GBE1: variants seen among roughly 807,000 people sequenced by gnomAD.
GBE1 encodes the protein 1,4-alpha-glucan branching enzyme 1.
Under a neutral mutation model 88.8 loss-of-function variants are expected in GBE1, and 70 were observed. The ratio of observed to expected loss-of-function variants is 0.79; its 90% confidence interval spans 0.65 to 0.96. GBE1 has a LOEUF of 0.96. Ranked by LOEUF, GBE1 falls within the 40% of genes least tolerant of loss-of-function variation. The pLI is 0.00. For missense variants in GBE1, 872 were observed against 871.0 expected, an observed-to-expected ratio of 1.00 and a Z score of -0.01; for synonymous variants, 284 against 300.1, an observed-to-expected ratio of 0.95 and a Z score of 0.56.
intron 7 of GBE1, among the ~76,000 whole-genome samples, chr3:81,624,180 G>C (rs545636753): frequency 5.3e-5 from 8 of 152,142 alleles, no homozygotes; most frequent in African/African-American, 9.7e-5. Flanking sequence ...GAGAAGTCCC[G>C]AGCGAAGGAG....
At chr3:81,720,547 A>G (rs1706013609) in intron 1 of GBE1, among the ~76,000 whole-genome samples, 1 of 151,972 alleles carries the variant, frequency 6.6e-6, no homozygotes, top group Non-Finnish European at 1.5e-5. Flanking sequence ...TCTTTTAACT[A>G]TTTACCCAAA....
chr3:81,531,164 G>C (rs1361074639), intron 14 of GBE1, among the ~76,000 whole-genome samples: 1 of 151,766 alleles, frequency 6.6e-6, no homozygotes, highest in Admixed American at 6.6e-5. Flanking sequence ...CAAAGCCCAA[G>C]GGCTCCTTAG....
chr3:81,705,832 C>T (rs1041574738), intron 1 of GBE1, among the ~76,000 whole-genome samples: 3 of 151,994 alleles, frequency 2.0e-5, no homozygotes, highest in Non-Finnish European at 1.5e-5. Context: ...TTTTTTGTAA[C>T]TTCAAGCACT....
chr3:81,560,204 A>C (rs777316540), intron 12 of GBE1, among the ~76,000 whole-genome samples: 44 of 152,130 alleles, frequency 2.9e-4, no homozygotes, highest in Non-Finnish European at 5.7e-4. Flanking sequence ...CTAAAAAAAA[A>C]TTTTTAAGTG....
At chr3:81,552,328 G>T (rs1048467673) in intron 12 of GBE1, among the ~76,000 whole-genome samples, 26 of 152,198 alleles carry the variant, frequency 1.7e-4, no homozygotes, top group African/African-American at 6.0e-4. Context: ...GACCAGCCTG[G>T]CCAGCATGGC....
At chr3:81,564,863 T>C (rs1703470894) in intron 12 of GBE1, among the ~76,000 whole-genome samples, 1 of 152,174 alleles carries the variant, frequency 6.6e-6, no homozygotes, top group Non-Finnish European at 1.5e-5. Flanking sequence ...ATCTCTATGT[T>C]ATACTTTCAC....
intron 7 of GBE1, among the ~76,000 whole-genome samples, chr3:81,626,632 G>A (rs1210152865): frequency 1.3e-5 from 2 of 151,078 alleles, no homozygotes; most frequent in African/African-American, 4.9e-5. Context: ...CCCAGTGCAT[G>A]AAAAGCACTG....
intron 7 of GBE1, among the ~76,000 whole-genome samples, chr3:81,619,281 T>C (rs1294032311): frequency 6.6e-6 from 1 of 152,052 alleles, no homozygotes; most frequent in African/African-American, 2.4e-5. Flanking sequence ...GATCCAAATT[T>C]ATCTTGTAAA....
intron 14 of GBE1, among the ~76,000 whole-genome samples, chr3:81,502,949 G>A (rs1375438255): frequency 6.6e-6 from 1 of 152,136 alleles, no homozygotes; most frequent in African/African-American, 2.4e-5. Context: ...CACCTTAAAA[G>A]GTCATCTGTT....
intron 12 of GBE1, among the ~76,000 whole-genome samples, chr3:81,541,269 C>A (rs1484743268): frequency 6.6e-6 from 1 of 151,550 alleles, no homozygotes; most frequent in African/African-American, 2.4e-5. Flanking sequence ...GTAACTGCTC[C>A]CCAGGAAAAC....
intron 4 of GBE1, among the ~76,000 whole-genome samples, chr3:81,649,238 T>C (rs1704811029): frequency 2.0e-5 from 3 of 152,204 alleles, no homozygotes; most frequent in Admixed American, 2.0e-4. Context: ...AATTTTTTTT[T>C]AACTTAGGCC....
chr3:81,641,151 AT>A (rs1704673145), intron 7 of GBE1, among the ~76,000 whole-genome samples: 1 of 152,152 alleles, frequency 6.6e-6, no homozygotes, highest in African/African-American at 2.4e-5. Flanking sequence ...TTAAGGTATA[AT>A]TCTACAGAAG....
intron 2 of GBE1, among the ~76,000 whole-genome samples, chr3:81,697,739 G>A (rs1318334339): frequency 3.3e-5 from 5 of 152,036 alleles, no homozygotes; most frequent in East Asian, 1.9e-4. Context: ...CCCTCTCAGG[G>A]TAGAGTCTTA....
chr3:81,521,758 C>T (rs1702877180), intron 14 of GBE1, among the ~76,000 whole-genome samples: 1 of 151,364 alleles, frequency 6.6e-6, no homozygotes, highest in African/African-American at 2.4e-5. Context: ...TAATATTGTA[C>T]TTTTCCAAGT....
intron 2 of GBE1, among the ~76,000 whole-genome samples, chr3:81,678,901 T>C (rs1477503997): frequency 6.6e-6 from 1 of 152,138 alleles, no homozygotes; most frequent in Non-Finnish European, 1.5e-5. Context: ...GTATTGATAA[T>C]TTTAATAAGG....
At chr3:81,570,464 G>GTC (rs1392556437) in intron 12 of GBE1, among the ~76,000 whole-genome samples, 3 of 152,168 alleles carry the variant, frequency 2.0e-5, no homozygotes, top group African/African-American at 7.2e-5. Context: ...ATCTTAAGAG[G>GTC]GAGAAGATGA....
chr3:81,592,003 A>T (rs942370714), intron 8 of GBE1, among the ~76,000 whole-genome samples: 3 of 152,102 alleles, frequency 2.0e-5, no homozygotes, highest in Non-Finnish European at 4.4e-5. Context: ...CTTTAATTTT[A>T]AAATATTTAA....
intron 9 of GBE1, 22 bp from the exon 10 acceptor site, chr3:81,586,212 C>T (rs771605578): frequency 7.0e-7 from 1 of 1,420,494 alleles, no homozygotes; most frequent in Non-Finnish European, 9.8e-7. Flanking sequence ...AACGTCGGTT[C>T]ATAATGATCA....
At chr3:81,735,258 T>C (rs1706243107) in intron 1 of GBE1, among the ~76,000 whole-genome samples, 1 of 152,146 alleles carries the variant, frequency 6.6e-6, no homozygotes, top group Non-Finnish European at 1.5e-5. Context: ...ATTCATCCAA[T>C]CAGCAAATCA....
Sources: gnomAD v4.1 joint callset for allele counts (sites outside exome capture counted in the v4.1 genomes callset) on GRCh38, gnomAD v4.1.1 for gene constraint, MANE v1.5 for transcripts, NCBI Gene and HGNC (gene_info 2026-07-23, HGNC 2026-07-21) for gene names.